SRSF7: variants seen among roughly 807,000 people sequenced by gnomAD.
SRSF7 encodes serine/arginine-rich splicing factor 7.
A neutral mutation model predicts 42.2 loss-of-function variants in SRSF7; 15 were observed. That is an observed-to-expected ratio of 0.36 (90% CI 0.24 to 0.55). The LOEUF is 0.55. Ranked by LOEUF, SRSF7 falls within the 20% of genes least tolerant of loss-of-function variation. The pLI is 0.88. For missense variants in SRSF7, 181 were observed against 305.9 expected (o/e 0.59, Z 3.04); for synonymous variants, 138 against 107.9 (o/e 1.28, Z -1.73).
At chr2:38,750,568 G>A (rs1461397473) in intron 1 of SRSF7, among the ~76,000 whole-genome samples, 1 of 151,804 alleles carries the variant, frequency 6.6e-6, no homozygotes, top group Non-Finnish European at 1.5e-5. Context: ...GAGGGCCTCG[G>A]TAGGGGCCGG....
In SRSF7 at chr2:38,744,097, G is replaced by C; in HGVS notation, c.*1036C>G. 6.6e-6 allele frequency: 1 copy of C among 152,610 alleles called. No homozygotes were observed. Among genetic ancestry groups the C allele is most frequent in the African/African-American group, 2.4e-5 (1 of 41,560 alleles). The allele number at this position is 152,610 out of a possible 1,614,324, so 9.5% of individuals were successfully genotyped here. ...ACATGGAGTGTTGCTAAATATAGCT[G>C]AGATTTACAAAACCACTTTAGTCTC... On this transcript the variant is annotated 3_prime_UTR_variant, in exon 8 of 8. Transcript: ENST00000313117.
chr2:38,745,286 C>T (rs1204955005), intron 7 of SRSF7, 99 bp from the exon 8 acceptor site: 2 of 1,210,746 alleles, frequency 1.7e-6, no homozygotes, highest in Non-Finnish European at 2.4e-6. Flanking sequence ...GCCTAAGGTA[C>T]TAATTTCCTA....
Position 38,749,545 on chromosome 2 carries a change from G to A in SRSF7, c.370C>T (p.Arg124Trp). The A allele has an allele frequency of 2.5e-6, 4 of 1,571,052 alleles. No individual in the cohort carries two copies. Among genetic ancestry groups the A allele is most frequent in the Non-Finnish European group, 2.6e-6 (3 of 1,161,632 alleles). ...HYAYDCHRYS[R>W]RRRSRSRSRS... is the part of the protein sequence containing the mutation. ...AATAAATACCTGCTTCTTCTTCGCC[G>A]GCTGTAACGATGACAATCATAAGCA... is the stretch of plus-strand genomic sequence containing the variant. Residue 124 changes from arginine to tryptophan, a missense_variant, in exon 3 of 8, where the codon CGG becomes TGG. Arg to Trp is a moderately radical substitution (Grantham distance 101). Coordinates refer to ENST00000313117, the MANE Select transcript of SRSF7 (RefSeq NM_001031684.3).
At position 38,750,236 on chromosome 2, in the gene SRSF7, T is replaced by C; in HGVS notation, c.29-42A>G. The C allele has an allele frequency of 2.6e-6, 4 of 1,550,734 alleles. No homozygotes were observed. The South Asian group carries it at 3.7e-5, about 14-fold the overall frequency. ...ATAGAAGAATGCACGTTACGCAAAATCTGGCCCAAGTTTCAATTACTTATT... is the reference window on the plus strand; with the variant it reads ...ATAGAAGAATGCACGTTACGCAAAACCTGGCCCAAGTTTCAATTACTTATT... On this transcript the variant is annotated intron_variant, in intron 1 of 7. Transcript: ENST00000313117.
At chr2:38,745,349 T>C (rs1667204969) in intron 7 of SRSF7, among the ~76,000 whole-genome samples, 162 bp from the exon 8 acceptor site, 1 of 152,182 alleles carries the variant, frequency 6.6e-6, no homozygotes, top group Admixed American at 6.5e-5. Context: ...CTTTTGTCCC[T>C]GGCTTAAGAT....
At position 38,751,050 on chromosome 2, in the gene SRSF7, C is replaced by A. The variant is rs185905954; in HGVS notation, c.28+179G>T. ...GTACGGAACTCGGCAGAGATGTACA[C>A]CCGCCATCCCGTCTCCCTTCAGCAC... On this transcript the variant is annotated intron_variant, in intron 1 of 7. Coordinates refer to ENST00000313117, the MANE Select transcript of SRSF7 (RefSeq NM_001031684.3). 4.1e-6 allele frequency: 3 copies of A among 726,578 alleles called. No individual in the cohort carries two copies. The East Asian group carries it at 8.3e-5, about 20-fold the overall frequency. 45.0% of individuals were successfully genotyped at this position (726,578 alleles called of 1,614,324 possible).
chr2:38,750,439 G>A (rs943866805), intron 1 of SRSF7, among the ~76,000 whole-genome samples: 3 of 151,808 alleles, frequency 2.0e-5, no homozygotes, highest in Admixed American at 2.0e-4. Context: ...AAGCAGAAAC[G>A]CGTGGTAGGA....
At chr2:38,746,880 T>C in intron 5 of SRSF7, 133 bp from the exon 6 acceptor site, 1 of 1,428,658 alleles carries the variant, frequency 7.0e-7, no homozygotes, top group Non-Finnish European at 9.4e-7. Flanking sequence ...TGCCTTATTC[T>C]GTCTAACACA....
intron 3 of SRSF7, chr2:38,748,965 T>C: frequency 7.6e-7 from 1 of 1,308,480 alleles, no homozygotes; most frequent in Non-Finnish European, 9.9e-7. Context: ...TAGAAGTATC[T>C]ATAGCCGATC....
intron 4 of SRSF7, 28 bp downstream of exon 4, chr2:38,748,551 G>C (rs1040168832): frequency 5.0e-6 from 8 of 1,605,826 alleles, no homozygotes; most frequent in Admixed American, 3.3e-5. Context: ...TAATAATACA[G>C]AAAGACTTCA....
Position 38,744,777 on chromosome 2 carries a change from T to C in SRSF7, c.*356A>G. The C allele has an allele frequency of 3.8e-5, 8 of 208,696 alleles. No individual in the cohort carries two copies. The highest frequency in any genetic ancestry group is 2.2e-4 in the Admixed American group (4 of 18,584). The allele number at this position is 208,696 out of a possible 1,614,324, so 12.9% of individuals were successfully genotyped here. On this transcript the variant is annotated 3_prime_UTR_variant, in exon 8 of 8. Coordinates refer to ENST00000313117, the MANE Select transcript of SRSF7 (RefSeq NM_001031684.3). ...GCATAGAATAGTGATGTTCAAGACT[T>C]AACCAACACCTTTCAATTCTGAATG...
In SRSF7 at chr2:38,748,864, A is replaced by G; in HGVS notation, c.387-211T>C. 115 of 1,370,304 alleles carry G rather than the reference A, an allele frequency of 8.4e-5. No homozygotes were observed. In the Middle Eastern group the frequency reaches 1.6e-3, roughly 19 times the overall value. The allele number at this position is 1,370,304 out of a possible 1,614,324, so 84.9% of individuals were successfully genotyped here. ...CTGAATTACAACTTAGCATTACATA[A>G]TATAAAACACTGTAATGTGTATTTA... is the stretch of plus-strand genomic sequence containing the variant. On this transcript the variant is annotated intron_variant, in intron 3 of 7. Coordinates refer to ENST00000313117, the MANE Select transcript of SRSF7 (RefSeq NM_001031684.3).
At position 38,748,657 on chromosome 2, in the gene SRSF7, T is replaced by C; in HGVS notation, c.387-4A>G. 1 of 1,613,944 alleles carries C rather than the reference T, an allele frequency of 6.2e-7. No individual in the cohort carries two copies. The highest frequency in any genetic ancestry group is 8.5e-7 in the Non-Finnish European group (1 of 1,179,862). ...AGAATGTGATCTAGACCGTGACCTA[T>C]TTTTCAAGTTAGAGAAAAAACAAAA... On this transcript the variant is annotated splice_region_variant and splice_polypyrimidine_tract_variant and intron_variant, in intron 3 of 7. Transcript: ENST00000313117.
In SRSF7 at chr2:38,751,293, G is replaced by C; in HGVS notation, c.-37C>G. On this transcript the variant is annotated 5_prime_UTR_variant, in exon 1 of 8. Coordinates refer to ENST00000313117, the MANE Select transcript of SRSF7 (RefSeq NM_001031684.3). Reference sequence around the variant, plus strand: ...CGCGTGCTCGGCTCTTTAGCAAGCAGCGCCCAGGGCTCGAGTGACGCAAAA... The same window carrying C: ...CGCGTGCTCGGCTCTTTAGCAAGCACCGCCCAGGGCTCGAGTGACGCAAAA... 10 of 1,613,882 alleles carry C rather than the reference G, an allele frequency of 6.2e-6. No homozygotes were observed. The highest frequency in any genetic ancestry group is 8.5e-6 in the Non-Finnish European group (10 of 1,179,960).
chr2:38,746,330 A>G lies in SRSF7; in HGVS notation c.627-151T>C, dbSNP rs533551450. 1.9e-5 allele frequency: 17 copies of G among 903,152 alleles called. No homozygotes were observed. In the East Asian group the frequency reaches 4.4e-4, roughly 23 times the overall value. 55.9% of individuals were successfully genotyped at this position (903,152 alleles called of 1,614,324 possible). On this transcript the variant is annotated intron_variant, in intron 6 of 7. Transcript: ENST00000313117. ...ACATCCTACCAGTTGTTGCTAACAA[A>G]AGCCAATCTTTCAACAACTGTTTTT...
intron 1 of SRSF7, among the ~76,000 whole-genome samples, chr2:38,750,518 G>C (rs1402025697): frequency 6.6e-6 from 1 of 151,658 alleles, no homozygotes; most frequent in Non-Finnish European, 1.5e-5. Flanking sequence ...GGGCGCACCG[G>C]GAGCGCGCGG....
Position 38,748,798 on chromosome 2 carries a change from GTATT to G in SRSF7, c.387-149_387-146del. The G allele has an allele frequency of 3.4e-6, 4 of 1,163,954 alleles. No homozygotes were observed. In the African/African-American group the frequency reaches 6.3e-5, roughly 18 times the overall value. The allele number at this position is 1,163,954 out of a possible 1,614,324, so 72.1% of individuals were successfully genotyped here. Reference sequence around the variant, plus strand: ...AAACTCTGGGCCTATTAGTTGTTGAGTATTTTTTTTTTTACTACCTAAAAAAAGA... The same window carrying G: ...AAACTCTGGGCCTATTAGTTGTTGAGTTTTTTTTTACTACCTAAAAAAAGA... On this transcript the variant is annotated intron_variant, in intron 3 of 7. Transcript: ENST00000313117.
chr2:38,749,696 A>G lies in SRSF7; in HGVS notation c.219T>C (p.Cys73=). ...AVRGLDGKVI[C]GSRVRVELST... ...ATAGTTCAACCCTCACTCGGGAGCC[A>G]CAAATCACCCTAATAAAAGCAAATT... Residue 73 remains cysteine, a synonymous_variant, in exon 3 of 8, where the codon TGT becomes TGC. Transcript: ENST00000313117. 1 of 1,552,608 alleles carries G rather than the reference A, an allele frequency of 6.4e-7. No individual in the cohort carries two copies. Among genetic ancestry groups the G allele is most frequent in the South Asian group, 1.2e-5 (1 of 81,718 alleles).
chr2:38,751,364 G>A (rs546072112), upstream of SRSF7: 185 of 1,489,182 alleles, frequency 1.2e-4, 3 homozygotes, highest in Middle Eastern at 1.9e-3. Context: ...GGCACTACGA[G>A]GAAGAGCCCG....
Sources: gnomAD v4.1 joint callset for allele counts (sites outside exome capture counted in the v4.1 genomes callset) on GRCh38, gnomAD v4.1.1 for gene constraint, MANE v1.5 for transcripts, NCBI Gene and HGNC (gene_info 2026-07-23, HGNC 2026-07-21) for gene names.